The following MSH6 variants were observed in gnomAD, a reference collection of about 807,000 sequenced individuals.
MSH6 encodes the protein mutS homolog 6, also known as DNA mismatch repair protein Msh6.
Under a neutral mutation model 119.1 loss-of-function variants are expected in MSH6, and 85 were observed. The ratio of observed to expected loss-of-function variants is 0.71; its 90% CI spans 0.60 to 0.85. The LOEUF is 0.85. Among genes scored for constraint, MSH6 ranks in the 40% least tolerant of loss-of-function variants. The pLI is 0.00. For missense variants in MSH6, 2,163 were observed against 1,655.3 expected (o/e 1.31, Z -5.32); for synonymous variants, 830 against 586.9 (o/e 1.41, Z -5.99).
intron 2 of MSH6, among the ~76,000 whole-genome samples, chr2:47,793,006 T>G (rs150153113): frequency 6.6e-6 from 1 of 151,940 alleles, no homozygotes; most frequent in Non-Finnish European, 1.5e-5. Context: ...TGTTTACTTA[T>G]ATTTAGAATG....
At chr2:47,788,741 T>C (rs1042891619) in intron 1 of MSH6, among the ~76,000 whole-genome samples, 53 of 148,284 alleles carry the variant, frequency 3.6e-4, no homozygotes, top group Admixed American at 2.0e-4. Flanking sequence ...AGCTAATTTT[T>C]GTATTTTTTT....
At chr2:47,783,881 C>G (rs1668175231) in intron 1 of MSH6, 1 of 928,700 alleles carries the variant, frequency 1.1e-6, no homozygotes, top group African/African-American at 2.8e-5. Flanking sequence ...GGGAAGGCGC[C>G]CGGCCCACTT....
chr2:47,783,338 C>T lies in MSH6; in HGVS notation c.105C>T (p.Ala35=), dbSNP rs998365223. The change falls in exon 1 of 10, where the codon GCC becomes GCT. Residue 35 remains alanine, a synonymous_variant. Coordinates refer to ENST00000234420, the MANE Select transcript of MSH6 (RefSeq NM_000179.3). ...CCTCACGCGAAGGCGGCCGTGCCGC[C>T]GCTGCCCCCGGGGCCTCTCCTTCCC... ...ARASREGGRA[A]AAPGASPSPG... The T allele has an allele frequency of 1.9e-6, 3 of 1,610,458 alleles. No individual in the cohort carries two copies. Among genetic ancestry groups the T allele is most frequent in the African/African-American group, 2.7e-5 (2 of 74,854 alleles).
chr2:47,806,977 G>C, downstream of MSH6: 1 of 808,624 alleles, frequency 1.2e-6, no homozygotes, highest in African/African-American at 1.7e-5. Context: ...TTCTTTCTAG[G>C]AAATTAAACC....
In MSH6 at chr2:47,806,819, G is replaced by T; in HGVS notation, c.4042G>T (p.Glu1348Ter). 1 of 1,609,616 alleles carries T rather than the reference G, an allele frequency of 6.2e-7. No homozygotes were observed. Among genetic ancestry groups the T allele is most frequent in the Non-Finnish European group, 8.5e-7 (1 of 1,178,156 alleles). ...TAGTGAAAGGTCAACTGTAGATGCT[G>T]AAGCTGTCCATAAATTGCTGACTTT... Reference protein sequence around the residue: ...LASERSTVDAEAVHKLLTLIK... With the variant: ...LASERSTVDA Residue 1348 changes from glutamate to a stop codon, truncating the protein, a stop_gained, in exon 10 of 10, where the codon GAA becomes TAA. Coordinates refer to ENST00000234420, the MANE Select transcript of MSH6 (RefSeq NM_000179.3). LOFTEE classifies it high-confidence loss of function.
rs35552856 is a variant in MSH6, at chr2:47,800,166, A to C, written c.2183A>C (p.Lys728Thr). 2.5e-6 allele frequency: 4 copies of C among 1,614,212 alleles called. No homozygotes were observed. Among genetic ancestry groups the C allele is most frequent in the Non-Finnish European group, 2.5e-6 (3 of 1,180,022 alleles). ...STTRSGAIFT[K>T]AYQRMVLDAV... ...ACAAGATCTGGTGCTATCTTCACCA[A>C]AGCCTATCAACGAATGGTGCTAGAT... Residue 728 changes from lysine to threonine, a missense_variant, in exon 4 of 10, where the codon AAA (lysine) becomes ACA (threonine). Coordinates refer to ENST00000234420, the MANE Select transcript of MSH6 (RefSeq NM_000179.3).
At chr2:47,788,856 G>C (rs1668516651) in intron 1 of MSH6, among the ~76,000 whole-genome samples, 1 of 144,770 alleles carries the variant, frequency 6.9e-6, no homozygotes, top group Admixed American at 6.9e-5. Flanking sequence ...ATAGGAGTGA[G>C]CCACTGCGCC....
downstream of MSH6, chr2:47,808,445 A>C (rs1304521513): frequency 6.4e-7 from 1 of 1,562,638 alleles, no homozygotes; most frequent in Non-Finnish European, 8.6e-7. Flanking sequence ...GCAAAAGCTT[A>C]AATTACTTTT....
intron 1 of MSH6, chr2:47,783,801 G>T: frequency 1.6e-6 from 1 of 633,044 alleles, no homozygotes; most frequent in Non-Finnish European, 2.1e-6. Flanking sequence ...GGCTAAGGAA[G>T]GGGCGACGCG....
At position 47,799,049 on chromosome 2, in the gene MSH6, G is replaced by A. The variant is rs1336935881; in HGVS notation, c.1066G>A (p.Gly356Ser). The change falls in exon 4 of 10, where the codon GGT (glycine) becomes AGT (serine). Residue 356 changes from glycine to serine, a missense_variant. By Grantham distance (56) the Gly-to-Ser change is moderately conservative (BLOSUM62 0). Transcript: ENST00000234420. Reference sequence around the variant, plus strand: ...ATCCCAAGCCCACGTTAGTGGAGGTGGTGATGACAGTAGTCGCCCTACTGT... The same window carrying A: ...ATCCCAAGCCCACGTTAGTGGAGGTAGTGATGACAGTAGTCGCCCTACTGT... ...SESQAHVSGG[G>S]DDSSRPTVWY... 1.2e-6 allele frequency: 2 copies of A among 1,614,158 alleles called. No homozygotes were observed. The highest frequency in any genetic ancestry group is 2.2e-5 in the South Asian group (2 of 91,080).
rs759589301 is a variant in MSH6, at chr2:47,783,339, G to T, written c.106G>T (p.Ala36Ser). The T allele has an allele frequency of 6.2e-7, 1 of 1,610,028 alleles. No individual in the cohort carries two copies. The highest frequency in any genetic ancestry group is 8.5e-7 in the Non-Finnish European group (1 of 1,178,574). ...CTCACGCGAAGGCGGCCGTGCCGCC[G>T]CTGCCCCCGGGGCCTCTCCTTCCCC... is the stretch of plus-strand genomic sequence containing the variant. ...RASREGGRAA[A>S]APGASPSPGG... The change falls in exon 1 of 10, where the codon GCT (alanine) becomes TCT (serine). Residue 36 changes from alanine (A) to serine (S), a missense_variant. Transcript: ENST00000234420.
downstream of MSH6, chr2:47,809,126 CT>C (rs1431793113): frequency 7.4e-7 from 1 of 1,343,688 alleles, no homozygotes; most frequent in Non-Finnish European, 1.0e-6. Flanking sequence ...CAGTCTTCCT[CT>C]TTTCAGGACT....
chr2:47,805,213 T>G (rs1329485826), intron 6 of MSH6, among the ~76,000 whole-genome samples, 186 bp downstream of exon 6: 4 of 151,710 alleles, frequency 2.6e-5, no homozygotes, highest in Non-Finnish European at 5.9e-5. Context: ...GGAGTTTCCC[T>G]CTTGTTGCCC....
In MSH6 at chr2:47,800,689, T is replaced by C. The variant is rs778472296; in HGVS notation, c.2706T>C (p.Phe902=). The part of the protein sequence containing the change: ...SLQTKNPEGR[F]PDLTVELNRW... Reference sequence around the variant, plus strand: ...AGACAAAAAATCCTGAAGGTCGTTTTCCTGATTTGACTGTAGAATTGAACC... The same window carrying C: ...AGACAAAAAATCCTGAAGGTCGTTTCCCTGATTTGACTGTAGAATTGAACC... The change falls in exon 4 of 10, where the codon TTT becomes TTC. Residue 902 remains phenylalanine (F), a synonymous_variant. Transcript: ENST00000234420. 1.2e-6 allele frequency: 2 copies of C among 1,614,208 alleles called. No homozygotes were observed. The highest frequency in any genetic ancestry group is 2.2e-5 in the South Asian group (2 of 91,084).
rs3136341 is a variant in MSH6, at chr2:47,802,718, G to C, written c.3173-702G>C. ...AACACAAAACTATTTTGATCTGAAC[G>C]CAAGTATCTAATGGAACAGAATAAT... On this transcript the variant is annotated intron_variant, in intron 4 of 9. Coordinates refer to ENST00000234420, the MANE Select transcript of MSH6 (RefSeq NM_000179.3). 4.0e-5 allele frequency among the ~76,000 whole-genome samples: 6 copies of C among 148,774 alleles called. No homozygotes were observed. The South Asian group carries it at 1.3e-3, about 32-fold the overall frequency.
intron 5 of MSH6, among the ~76,000 whole-genome samples, chr2:47,804,282 TA>T (rs3136356): frequency 5.3e-5 from 8 of 152,164 alleles, no homozygotes; most frequent in African/African-American, 1.7e-4. Context: ...AGCTCATTTT[TA>T]AAAAAATTTT....
In MSH6 at chr2:47,795,925, T is replaced by G. The variant is rs745399921; in HGVS notation, c.489T>G (p.Gly163=). Residue 163 remains glycine, a synonymous_variant, in exon 3 of 10, where the codon GGT becomes GGG. Transcript: ENST00000234420. The part of the protein sequence containing the change: ...GSKSKEAQKG[G]HFYSAKPEIL... ...AATCAAAGGAAGCCCAGAAGGGAGG[T>G]CATTTTTACAGTGCAAAGCCTGAAA... 6.2e-7 allele frequency: 1 copy of G among 1,613,966 alleles called. No homozygotes were observed. The highest frequency in any genetic ancestry group is 8.5e-7 in the Non-Finnish European group (1 of 1,180,000).
At position 47,802,334 on chromosome 2, in the gene MSH6, A is replaced by G. The variant is rs188013332; in HGVS notation, c.3173-1086A>G. Among the ~76,000 whole-genome samples the G allele has an allele frequency of 7.6e-3, 1,153 of 151,708 alleles. 8 individuals are homozygous for G. The highest frequency in any genetic ancestry group is 0.027 in the Middle Eastern group (8 of 294). Reference sequence around the variant, plus strand: ...GTTTTATAGTTTAGGTTTATGTTGTATATTTTTTTTAATTTTTTAGAGACG... The same window carrying G: ...GTTTTATAGTTTAGGTTTATGTTGTGTATTTTTTTTAATTTTTTAGAGACG... On this transcript the variant is annotated intron_variant, in intron 4 of 9. Transcript: ENST00000234420.
chr2:47,804,652 G>A (rs1023267527), intron 5 of MSH6, among the ~76,000 whole-genome samples: 7 of 152,110 alleles, frequency 4.6e-5, no homozygotes, highest in South Asian at 2.1e-4. Flanking sequence ...TCTGGCCAGC[G>A]TTGAGAATCA....
Sources: gnomAD v4.1 joint callset for allele counts (sites outside exome capture counted in the v4.1 genomes callset) on GRCh38, gnomAD v4.1.1 for gene constraint, MANE v1.5 for transcripts, NCBI Gene and HGNC (gene_info 2026-07-23, HGNC 2026-07-21) for gene names.